TUSC3: variants seen among roughly 807,000 people sequenced by gnomAD.
The protein encoded by TUSC3 is dolichyl-diphosphooligosaccharide--protein glycosyltransferase subunit TUSC3.
A neutral mutation model predicts 44.8 loss-of-function variants in TUSC3; 45 were observed. That is an observed-to-expected ratio of 1.00 (90% CI 0.79 to 1.29). The LOEUF (loss-of-function observed/expected upper bound fraction) is 1.29, where lower values mean the gene tolerates loss of function less well. TUSC3 is among the 50% of genes most tolerant of loss of function. The probability of loss-of-function intolerance (pLI) is 0.00; values close to 1 mark genes in which losing one functional copy is unlikely to be tolerated. For missense variants in TUSC3, 519 were observed against 437.9 expected, an observed-to-expected ratio of 1.19 and a Z score of -1.65; for synonymous variants, 212 against 152.9, an observed-to-expected ratio of 1.39 and a Z score of -2.85.
chr8:15,565,451 G>A (rs1013446763), intron 1 of TUSC3, among the ~76,000 whole-genome samples: 3 of 152,028 alleles, frequency 2.0e-5, no homozygotes. Context: ...TGGTGGGTTG[G>A]GAAGGTCCCA....
the TUSC3 span, among the ~76,000 whole-genome samples, chr8:15,851,273 A>G: frequency 6.6e-6 from 1 of 152,218 alleles, no homozygotes; most frequent in African/African-American, 2.4e-5. Flanking sequence ...CATCTTTTAT[A>G]GGTGCCAGGG....
intron 1 of TUSC3, among the ~76,000 whole-genome samples, chr8:15,571,779 A>G (rs1056785092): frequency 1.3e-5 from 2 of 152,132 alleles, no homozygotes; most frequent in African/African-American, 2.4e-5. Flanking sequence ...TGCTCTATCA[A>G]CTAAGTTTAT....
In TUSC3 at chr8:15,764,572, G is replaced by C; in HGVS notation, c.*416G>C. 3.9e-6 allele frequency: 1 copy of C among 259,220 alleles called. No homozygotes were observed. The highest frequency in any genetic ancestry group is 7.6e-6 in the Non-Finnish European group (1 of 132,202). 16.1% of individuals were successfully genotyped at this position (259,220 alleles called of 1,614,324 possible). A position where few individuals can be genotyped will look rare whatever the true frequency, so the allele number is the denominator to read the frequency against. On this transcript the variant is annotated 3_prime_UTR_variant, in exon 11 of 11. Coordinates refer to ENST00000503731, the MANE Select transcript of TUSC3 (RefSeq NM_006765.4). ...ATGAAATGTATGTTAAAGATTCTTA[G>C]TATTGTACAGGGATAAAGCAAATGC...
chr8:15,805,786 G>A, the TUSC3 span, among the ~76,000 whole-genome samples: 1 of 151,892 alleles, frequency 6.6e-6, no homozygotes, highest in Admixed American at 6.6e-5. Flanking sequence ...TTTTTGTTGT[G>A]TCCTGTGAGG....
intron 9 of TUSC3, among the ~76,000 whole-genome samples, chr8:15,749,852 C>G (rs1442413488): frequency 4.2e-5 from 6 of 144,524 alleles, no homozygotes; most frequent in Non-Finnish European, 7.5e-5. Context: ...TAGAAATCCT[C>G]TGTATTTTAT....
intron 6 of TUSC3, among the ~76,000 whole-genome samples, chr8:15,717,333 G>C (rs1810095928): frequency 6.6e-6 from 1 of 152,086 alleles, no homozygotes. Flanking sequence ...AGATGGAACA[G>C]CCTTAAGAAC....
intron 1 of TUSC3, among the ~76,000 whole-genome samples, chr8:15,438,295 C>G (rs1799977454): frequency 6.6e-6 from 1 of 152,100 alleles, no homozygotes; most frequent in Admixed American, 6.5e-5. Flanking sequence ...AGGGTTTCTC[C>G]ATGTTGGTCA....
chr8:15,417,245 T>G (rs952617439), exon 1 of TUSC3: 2 of 152,480 alleles, frequency 1.3e-5, no homozygotes, highest in African/African-American at 2.4e-5. Flanking sequence ...TTCGGCTTCA[T>G]GCATGATCGT....
chr8:15,639,987 T>C (rs2129171348), intron 2 of TUSC3, among the ~76,000 whole-genome samples: 1 of 152,236 alleles, frequency 6.6e-6, no homozygotes, highest in South Asian at 2.1e-4. Flanking sequence ...AGGCCTGAGA[T>C]TGTTATCGTT....
the TUSC3 span, among the ~76,000 whole-genome samples, chr8:15,832,918 T>G: frequency 6.6e-6 from 1 of 152,130 alleles, no homozygotes; most frequent in African/African-American, 2.4e-5. Flanking sequence ...AACTCATCAC[T>G]GGATTAAATG....
intron 6 of TUSC3, among the ~76,000 whole-genome samples, chr8:15,675,723 G>T (rs537288203): frequency 6.6e-6 from 1 of 151,992 alleles, no homozygotes; most frequent in Non-Finnish European, 1.5e-5. Flanking sequence ...ATTTGCTTAG[G>T]ATAATGGCCT....
At chr8:15,428,785 T>C (rs969403297) in intron 1 of TUSC3, among the ~76,000 whole-genome samples, 1 of 152,208 alleles carries the variant, frequency 6.6e-6, no homozygotes. Flanking sequence ...GAAGTGTCTG[T>C]TCATATCCTT....
At position 15,733,426 on chromosome 8, in the gene TUSC3, T is replaced by C. The variant is rs1264306905; in HGVS notation, c.862+2697T>C. On this transcript the variant is annotated intron_variant, in intron 7 of 10. Transcript: ENST00000503731. ...AGTATACTTTATCTGGATAAAGTGA[T>C]GACTATCGAAACACATCAGGAATAC... The C allele has an allele frequency of 5.9e-5, 23 of 392,726 alleles. No homozygotes were observed. The East Asian group carries it at 2.1e-3, about 35-fold the overall frequency. 24.3% of individuals were successfully genotyped at this position (392,726 alleles called of 1,614,324 possible). A position where few individuals can be genotyped will look rare whatever the true frequency, so the allele number is the denominator to read the frequency against.
intron 10 of TUSC3, among the ~76,000 whole-genome samples, chr8:15,759,170 T>A (rs1207094922): frequency 6.6e-6 from 1 of 152,190 alleles, no homozygotes; most frequent in Non-Finnish European, 1.5e-5. Flanking sequence ...CACTGGCCTA[T>A]CTGTGCTTAG....
chr8:15,419,835 G>T (rs1204934454), intron 1 of TUSC3, among the ~76,000 whole-genome samples: 1 of 152,146 alleles, frequency 6.6e-6, no homozygotes, highest in African/African-American at 2.4e-5. Context: ...TGGGGGTAAA[G>T]ATTACTTCAT....
chr8:15,773,687 A>C, the TUSC3 span, among the ~76,000 whole-genome samples: 2 of 152,198 alleles, frequency 1.3e-5, no homozygotes, highest in African/African-American at 4.8e-5. Context: ...ATACAATTCT[A>C]CAATAATGGA....
intron 5 of TUSC3, among the ~76,000 whole-genome samples, chr8:15,668,389 A>G (rs768003747): frequency 2.8e-4 from 42 of 151,584 alleles, no homozygotes; most frequent in Non-Finnish European, 4.7e-4. Flanking sequence ...TACCTTTTCT[A>G]TGTTTGTTCA....
chr8:15,665,618 A>T (rs550824869), intron 5 of TUSC3, among the ~76,000 whole-genome samples: 2 of 151,298 alleles, frequency 1.3e-5, no homozygotes, highest in Non-Finnish European at 3.0e-5. Context: ...GGAAATTAGT[A>T]TATGTAAATA....
intron 6 of TUSC3, among the ~76,000 whole-genome samples, chr8:15,711,665 A>G: frequency 6.6e-6 from 1 of 151,844 alleles, no homozygotes; most frequent in Non-Finnish European, 1.5e-5. Context: ...AAGCAAATTA[A>G]GGATATAACC....
Sources: gnomAD v4.1 joint callset for allele counts (sites outside exome capture counted in the v4.1 genomes callset) on GRCh38, gnomAD v4.1.1 for gene constraint, MANE v1.5 for transcripts, NCBI Gene and HGNC (gene_info 2026-07-23, HGNC 2026-07-21) for gene names.